Variants in ZFPM2 observed in about 807,000 individuals in gnomAD.
ZFPM2 encodes zinc finger protein ZFPM2.
A neutral mutation model predicts 98.6 loss-of-function variants in ZFPM2; 20 were observed. That is an observed-to-expected ratio of 0.20 (90% CI 0.14 to 0.29). ZFPM2 has a LOEUF of 0.29. Ranked by LOEUF, ZFPM2 falls within the 10% of genes least tolerant of loss-of-function variation. The pLI is 1.00. For synonymous variants in ZFPM2, 518 were observed against 502.7 expected, an observed-to-expected ratio of 1.03 and a Z score of -0.41; for missense variants, 1,310 against 1,388.6, an observed-to-expected ratio of 0.94 and a Z score of 0.90.
intron 1 of ZFPM2, among the ~76,000 whole-genome samples, chr8:105,377,163 A>G (rs1810742883): frequency 2.0e-5 from 3 of 152,132 alleles, no homozygotes; most frequent in Non-Finnish European, 4.4e-5. Context: ...CCCATCTGAC[A>G]TGTCATCTCT....
chr8:105,334,183 A>T (rs1812285596), intron 1 of ZFPM2, among the ~76,000 whole-genome samples: 1 of 147,830 alleles, frequency 6.8e-6, no homozygotes, highest in Non-Finnish European at 1.5e-5. Flanking sequence ...GTTTGGGGCC[A>T]GAAAATCAGG....
At chr8:105,592,454 GTA>G (rs1315424488) in intron 4 of ZFPM2, among the ~76,000 whole-genome samples, 11 of 151,992 alleles carry the variant, frequency 7.2e-5, no homozygotes, top group Non-Finnish European at 1.2e-4. Flanking sequence ...CATTTTTCCA[GTA>G]TAAAAATGTT....
intron 3 of ZFPM2, among the ~76,000 whole-genome samples, chr8:105,482,500 T>C (rs1324764833): frequency 6.6e-6 from 1 of 152,158 alleles, no homozygotes; most frequent in Non-Finnish European, 1.5e-5. Context: ...TTTTAATTCT[T>C]TTTCCTTCTT....
intron 5 of ZFPM2, among the ~76,000 whole-genome samples, chr8:105,707,716 A>G (rs1811296131): frequency 6.6e-6 from 1 of 152,234 alleles, no homozygotes; most frequent in African/African-American, 2.4e-5. Context: ...ATTGTTTTGT[A>G]GCAACACTTT....
chr8:105,758,555 C>G (rs1812661659), intron 5 of ZFPM2, among the ~76,000 whole-genome samples: 1 of 152,096 alleles, frequency 6.6e-6, no homozygotes, highest in African/African-American at 2.4e-5. Flanking sequence ...CTGGATACTT[C>G]AATGGACTGT....
rs1811500764 is a variant in ZFPM2, at chr8:105,408,195, A to G, written c.41-10949A>G. On this transcript the variant is annotated intron_variant, in intron 1 of 7. Coordinates refer to ENST00000407775, the MANE Select transcript of ZFPM2 (RefSeq NM_012082.4). ...ACCCTACCCGCTCTCCTAATTCTCCAGAGAGTAAGTGTTCTTCTTAAAATT... is the reference window on the plus strand; with the variant it reads ...ACCCTACCCGCTCTCCTAATTCTCCGGAGAGTAAGTGTTCTTCTTAAAATT... 2.0e-5 allele frequency among the ~76,000 whole-genome samples: 3 copies of G among 152,090 alleles called. 1 individual carries two copies. In the South Asian group the frequency reaches 6.2e-4, roughly 32 times the overall value.
intron 5 of ZFPM2, among the ~76,000 whole-genome samples, chr8:105,646,568 A>C (rs1335928803): frequency 6.6e-5 from 10 of 152,136 alleles, no homozygotes; most frequent in Non-Finnish European, 1.3e-4. Flanking sequence ...TCTCAATACT[A>C]AAGGCTGCAT....
chr8:105,486,987 C>T (rs2130411825), intron 3 of ZFPM2, among the ~76,000 whole-genome samples: 1 of 152,278 alleles, frequency 6.6e-6, no homozygotes, highest in East Asian at 1.9e-4. Flanking sequence ...TTAGGATAAA[C>T]TCACAAGTCT....
intron 5 of ZFPM2, among the ~76,000 whole-genome samples, chr8:105,720,537 A>G (rs932234716): frequency 2.0e-5 from 3 of 151,888 alleles, no homozygotes; most frequent in Admixed American, 1.3e-4. Flanking sequence ...GTATATTTGT[A>G]TCAAAACCTT....
At chr8:105,550,599 C>T (rs533338201) in intron 3 of ZFPM2, among the ~76,000 whole-genome samples, 8 of 152,014 alleles carry the variant, frequency 5.3e-5, no homozygotes, top group East Asian at 1.9e-4. Flanking sequence ...AGAGAAAATA[C>T]GTACAAATCA....
intron 5 of ZFPM2, among the ~76,000 whole-genome samples, chr8:105,786,851 C>T (rs567388710): frequency 3.9e-5 from 6 of 152,144 alleles, no homozygotes; most frequent in Non-Finnish European, 7.3e-5. Flanking sequence ...CTCTTGGGCA[C>T]CTGAGTCCAA....
chr8:105,727,950 T>C (rs1169817604), intron 5 of ZFPM2, among the ~76,000 whole-genome samples: 1 of 147,084 alleles, frequency 6.8e-6, no homozygotes, highest in Non-Finnish European at 1.5e-5. Flanking sequence ...GATCATAGTA[T>C]GATTAAAAAA....
intron 1 of ZFPM2, among the ~76,000 whole-genome samples, chr8:105,414,403 G>A (rs2130054558): frequency 6.6e-6 from 1 of 152,018 alleles, no homozygotes; most frequent in South Asian, 2.1e-4. Flanking sequence ...CTGACATTTA[G>A]GTGAGGATTG....
At chr8:105,698,281 C>T (rs1193721638) in intron 5 of ZFPM2, among the ~76,000 whole-genome samples, 3 of 152,026 alleles carry the variant, frequency 2.0e-5, no homozygotes, top group Non-Finnish European at 4.4e-5. Context: ...GCTTGCAAAG[C>T]GGAAGAGACA....
intron 3 of ZFPM2, among the ~76,000 whole-genome samples, chr8:105,468,355 G>C (rs978524917): frequency 6.6e-6 from 1 of 151,984 alleles, no homozygotes; most frequent in Non-Finnish European, 1.5e-5. Flanking sequence ...AGGGAACAAT[G>C]TCCTCCTTCA....
At chr8:105,334,547 A>G (rs897211573) in intron 1 of ZFPM2, among the ~76,000 whole-genome samples, 3 of 151,674 alleles carry the variant, frequency 2.0e-5, no homozygotes, top group African/African-American at 4.8e-5. Context: ...TCATGGGTGT[A>G]TTATTAACCT....
chr8:105,621,009 C>T (rs1214866059), intron 4 of ZFPM2, among the ~76,000 whole-genome samples: 3 of 151,980 alleles, frequency 2.0e-5, no homozygotes, highest in Non-Finnish European at 4.4e-5. Flanking sequence ...CTTGGAAATG[C>T]GGGCTCTTTT....
At chr8:105,408,188 A>C (rs888428577) in intron 1 of ZFPM2, among the ~76,000 whole-genome samples, 3 of 151,900 alleles carry the variant, frequency 2.0e-5, no homozygotes, top group African/African-American at 7.2e-5. Context: ...CGCTCTCCTA[A>C]TTCTCCAGAG....
At chr8:105,698,529 A>G (rs1335052281) in intron 5 of ZFPM2, among the ~76,000 whole-genome samples, 2 of 152,214 alleles carry the variant, frequency 1.3e-5, no homozygotes, top group African/African-American at 4.8e-5. Flanking sequence ...AAAAAGGAAT[A>G]TATTAATTTG....
Sources: allele counts gnomAD v4.1 joint callset (sites outside exome capture counted in the v4.1 genomes callset), GRCh38; gene constraint gnomAD v4.1.1; transcripts MANE v1.5; gene names NCBI Gene and HGNC (gene_info 2026-07-23, HGNC 2026-07-21).